The following TASP1 variants were observed in gnomAD, a reference collection of about 807,000 sequenced individuals.
TASP1 encodes threonine aspartase 1.
In TASP1, 16 loss-of-function variants were observed where a neutral mutation model predicts 56.6. That is an observed-to-expected ratio of 0.28 (90% CI 0.19 to 0.43). The LOEUF is 0.43. Ranked by LOEUF, TASP1 falls within the 20% of genes least tolerant of loss-of-function variation. The probability of loss-of-function intolerance (pLI) is 1.00; values close to 1 mark genes in which losing one functional copy is unlikely to be tolerated. For synonymous variants in TASP1, 179 were observed against 184.2 expected (o/e 0.97, Z 0.23); for missense variants, 393 against 511.6 (o/e 0.77, Z 2.24).
At chr20:13,514,432 T>C (rs1189264977) in intron 10 of TASP1, among the ~76,000 whole-genome samples, 1 of 152,092 alleles carries the variant, frequency 6.6e-6, no homozygotes, top group Non-Finnish European at 1.5e-5. Context: ...CCATGATAAT[T>C]AGCATAGCTG....
chr20:13,149,783 C>A, the TASP1 span, among the ~76,000 whole-genome samples: 1 of 152,176 alleles, frequency 6.6e-6, no homozygotes, highest in Non-Finnish European at 1.5e-5. Context: ...AGCTGATGAT[C>A]CAGTTTCTTG....
chr20:13,586,174 CAAAAAAAAAAA>C (rs35005769), intron 5 of TASP1, among the ~76,000 whole-genome samples: 1 of 53,202 alleles, frequency 1.9e-5, no homozygotes, highest in African/African-American at 6.8e-5. Flanking sequence ...GACTCCATCT[CAAAAAAAAAAA>C]AAAAAAAAAA....
At chr20:13,141,581 C>T in the TASP1 span, among the ~76,000 whole-genome samples, 5 of 152,116 alleles carry the variant, frequency 3.3e-5, no homozygotes, top group Non-Finnish European at 5.9e-5. Flanking sequence ...CAAAAAATTC[C>T]GCCCAAAATG....
At chr20:13,512,768 T>G (rs569754894) in intron 10 of TASP1, among the ~76,000 whole-genome samples, 1 of 152,350 alleles carries the variant, frequency 6.6e-6, no homozygotes, top group East Asian at 1.9e-4. Context: ...CATCTTGAAT[T>G]AATTTTTGTA....
At chr20:13,604,987 C>CATATATATATATATATATAT (rs3042652) in intron 4 of TASP1, among the ~76,000 whole-genome samples, 1 of 140,498 alleles carries the variant, frequency 7.1e-6, no homozygotes, top group Non-Finnish European at 1.5e-5. Flanking sequence ...AGACATAATA[C>CATATATATATATATATATAT]ATATATATAT....
chr20:13,471,684 A>T (rs1003510648), intron 11 of TASP1, among the ~76,000 whole-genome samples: 1 of 152,140 alleles, frequency 6.6e-6, no homozygotes, highest in Non-Finnish European at 1.5e-5. Flanking sequence ...ATAAAACTGT[A>T]TTTACTGAGT....
the TASP1 span, among the ~76,000 whole-genome samples, chr20:13,275,962 G>A: frequency 6.6e-6 from 1 of 152,208 alleles, no homozygotes; most frequent in Non-Finnish European, 1.5e-5. Flanking sequence ...TTGGCGTGCT[G>A]CAAGTCTCAA....
intron 4 of TASP1, among the ~76,000 whole-genome samples, chr20:13,617,375 A>G (rs1254631217): frequency 6.6e-6 from 1 of 152,242 alleles, no homozygotes; most frequent in East Asian, 1.9e-4. Flanking sequence ...TACTTCACAT[A>G]CATAGAAACA....
chr20:13,517,543 G>A (rs1309969729), intron 10 of TASP1, among the ~76,000 whole-genome samples: 2 of 151,854 alleles, frequency 1.3e-5, no homozygotes, highest in African/African-American at 4.8e-5. Context: ...ACTACCACAG[G>A]ATGGCAAAAA....
the TASP1 span, among the ~76,000 whole-genome samples, chr20:13,369,271 C>G: frequency 6.6e-6 from 1 of 152,106 alleles, no homozygotes; most frequent in African/African-American, 2.4e-5. Flanking sequence ...CATGGTGGAA[C>G]CTCGTCTCTA....
chr20:13,397,149 T>G (rs967969900), intron 13 of TASP1, among the ~76,000 whole-genome samples: 2 of 152,206 alleles, frequency 1.3e-5, no homozygotes, highest in Non-Finnish European at 2.9e-5. Flanking sequence ...ATCATGAATA[T>G]TCCCTCTTGC....
At chr20:13,621,616 C>T (rs968928036) in intron 4 of TASP1, among the ~76,000 whole-genome samples, 30 of 151,972 alleles carry the variant, frequency 2.0e-4, no homozygotes, top group African/African-American at 6.5e-4. Flanking sequence ...TTATCCGAAA[C>T]TGTAAGTCCA....
In TASP1 at chr20:13,569,425, C is replaced by T. The variant is rs550392396; in HGVS notation, c.568+82G>A. ...AAGTATTCTTCCATAAATATCTGTA[C>T]TACATGGGTCATAACAGAAGCAATA... On this transcript the variant is annotated intron_variant, in intron 7 of 13. Transcript: ENST00000337743. 1.1e-3 allele frequency: 1,141 copies of T among 1,064,112 alleles called. 1 individual carries two copies. The highest frequency in any genetic ancestry group is 1.4e-3 in the Non-Finnish European group (1,013 of 714,464). The allele number at this position is 1,064,112 out of a possible 1,614,324, so 65.9% of individuals were successfully genotyped here.
At chr20:13,349,461 ATTTCAC>A in the TASP1 span, among the ~76,000 whole-genome samples, 1 of 152,206 alleles carries the variant, frequency 6.6e-6, no homozygotes, top group South Asian at 2.1e-4. Flanking sequence ...CCATAAGTCC[ATTTCAC>A]TGGGAGAATA....
the TASP1 span, among the ~76,000 whole-genome samples, chr20:13,278,548 G>T: frequency 6.6e-6 from 1 of 152,232 alleles, no homozygotes; most frequent in Non-Finnish European, 1.5e-5. Context: ...GTTAGGGACA[G>T]CATGGGCTCT....
intron 7 of TASP1, among the ~76,000 whole-genome samples, chr20:13,567,599 G>A (rs1190625586): frequency 6.6e-6 from 1 of 151,848 alleles, no homozygotes; most frequent in Non-Finnish European, 1.5e-5. Context: ...GCTTCATTGT[G>A]ATCATCAAAA....
intron 4 of TASP1, among the ~76,000 whole-genome samples, chr20:13,610,098 C>G (rs1470107345): frequency 2.0e-5 from 3 of 152,060 alleles, no homozygotes; most frequent in African/African-American, 4.8e-5. Flanking sequence ...GGGTGGTCCA[C>G]AAGGGGGAAA....
In TASP1 at chr20:13,391,919, G is replaced by A. The variant is rs549386185; in HGVS notation, c.1171-1467C>T. ...GGAGGTGGAGCTTGAAGTGAGCCGA[G>A]ATCACGCCACTGCACTCGAGCCTGG... On this transcript the variant is annotated intron_variant, in intron 13 of 13. Coordinates refer to ENST00000337743, the MANE Select transcript of TASP1 (RefSeq NM_017714.3). Among the ~76,000 whole-genome samples, 190 of 143,938 alleles carry A rather than the reference G, an allele frequency of 1.3e-3. 1 individual carries two copies. The Middle Eastern group carries it at 0.015, about 12-fold the overall frequency. The allele number at this position is 143,938 out of a possible 152,430, so 94.4% of individuals were successfully genotyped here.
chr20:13,117,373 A>G, the TASP1 span: 5 of 837,280 alleles, frequency 6.0e-6, no homozygotes, highest in South Asian at 1.4e-4. Flanking sequence ...TGTCTCAGCC[A>G]AATAAAACAT....
Sources: allele counts gnomAD v4.1 joint callset (sites outside exome capture counted in the v4.1 genomes callset), GRCh38; gene constraint gnomAD v4.1.1; transcripts MANE v1.5; gene names NCBI Gene and HGNC (gene_info 2026-07-23, HGNC 2026-07-21).